SYT1: variants seen among roughly 807,000 people sequenced by gnomAD.
SYT1 encodes the protein synaptotagmin-1.
In SYT1, 8 loss-of-function variants were observed where a neutral mutation model predicts 44.8. That is an observed-to-expected ratio of 0.18 (90% CI 0.10 to 0.32). SYT1 has a LOEUF of 0.32. Ranked by LOEUF, SYT1 falls within the 10% of genes least tolerant of loss-of-function variation. The probability of loss-of-function intolerance (pLI) is 1.00; values close to 1 mark genes in which losing one functional copy is unlikely to be tolerated. For synonymous variants in SYT1, 154 were observed against 188.8 expected (o/e 0.82, Z 1.51); for missense variants, 286 against 509.3 (o/e 0.56, Z 4.22).
chr12:79,241,917 A>T (rs1876537792), intron 4 of SYT1, among the ~76,000 whole-genome samples: 1 of 152,234 alleles, frequency 6.6e-6, no homozygotes, highest in South Asian at 2.1e-4. Flanking sequence ...AGAGATACAC[A>T]GGGAGAACGC....
At chr12:79,447,629 T>C (rs1033083205) in intron 10 of SYT1, among the ~76,000 whole-genome samples, 2 of 152,176 alleles carry the variant, frequency 1.3e-5, no homozygotes, top group Non-Finnish European at 2.9e-5. Context: ...TCCTGATAAA[T>C]TTGCTTAGAA....
intron 8 of SYT1, among the ~76,000 whole-genome samples, chr12:79,330,125 T>C (rs1478552817): frequency 1.3e-5 from 2 of 152,098 alleles, no homozygotes; most frequent in Non-Finnish European, 2.9e-5. Context: ...AAGCTTGTGT[T>C]TGGACATGAT....
Position 79,055,854 on chromosome 12 carries a change from A to G in SYT1, c.-18+8492A>G, listed in dbSNP as rs536356988. ...ATTTATTTATTTATTATAAATTGACATCTTTTAAATTATAAAACATAGTCA... is the reference window on the plus strand; with the variant it reads ...ATTTATTTATTTATTATAAATTGACGTCTTTTAAATTATAAAACATAGTCA... On this transcript the variant is annotated intron_variant, in intron 3 of 10. Transcript: ENST00000261205. Among the ~76,000 whole-genome samples the G allele has an allele frequency of 1.9e-4, 29 of 152,126 alleles. No homozygotes were observed. The East Asian group carries it at 5.4e-3, about 28-fold the overall frequency.
At chr12:78,881,982 T>A (rs1459449533) in intron 1 of SYT1, among the ~76,000 whole-genome samples, 11 of 151,790 alleles carry the variant, frequency 7.2e-5, no homozygotes, top group African/African-American at 2.7e-4. Context: ...ACCCTGTATT[T>A]TTTTTATAAC....
At chr12:78,879,194 G>C (rs1231848823) in intron 1 of SYT1, among the ~76,000 whole-genome samples, 2 of 151,726 alleles carry the variant, frequency 1.3e-5, no homozygotes, top group Non-Finnish European at 2.9e-5. Context: ...AATGACAGCT[G>C]AAACAGCAAT....
intron 9 of SYT1, among the ~76,000 whole-genome samples, chr12:79,412,060 A>G (rs1375339395): frequency 1.3e-5 from 2 of 152,184 alleles, no homozygotes; most frequent in Admixed American, 6.5e-5. Flanking sequence ...AAAGCTTTAG[A>G]GCAGAAAGAA....
chr12:79,124,224 T>C (rs1320003396), intron 3 of SYT1, among the ~76,000 whole-genome samples: 4 of 152,212 alleles, frequency 2.6e-5, no homozygotes, highest in African/African-American at 9.7e-5. Flanking sequence ...CAAAATTATG[T>C]GGCCTGCCAT....
chr12:78,938,447 A>G (rs1878181119), intron 1 of SYT1, among the ~76,000 whole-genome samples: 1 of 152,182 alleles, frequency 6.6e-6, no homozygotes, highest in East Asian at 1.9e-4. Flanking sequence ...GAGCAGATTT[A>G]CTTCAGGAGT....
chr12:78,866,704 A>C (rs929763411), intron 1 of SYT1, among the ~76,000 whole-genome samples: 1 of 152,198 alleles, frequency 6.6e-6, no homozygotes, highest in Non-Finnish European at 1.5e-5. Flanking sequence ...TTACCTGAAC[A>C]CAGAGAAATC....
At chr12:79,412,204 G>C (rs1468924145) in intron 9 of SYT1, among the ~76,000 whole-genome samples, 1 of 152,124 alleles carries the variant, frequency 6.6e-6, no homozygotes, top group Non-Finnish European at 1.5e-5. Context: ...TTCTTCCCTT[G>C]GGGTGGGCTG....
intron 8 of SYT1, among the ~76,000 whole-genome samples, chr12:79,306,087 T>G (rs1331462679): frequency 1.3e-5 from 2 of 152,198 alleles, no homozygotes; most frequent in African/African-American, 4.8e-5. Context: ...ATATTGCCAC[T>G]AAGAGAGTGC....
intron 4 of SYT1, among the ~76,000 whole-genome samples, chr12:79,281,825 T>C (rs975300568): frequency 1.3e-5 from 2 of 152,190 alleles, no homozygotes; most frequent in African/African-American, 2.4e-5. Flanking sequence ...ATTCCAAGTT[T>C]ACTGTCATAA....
chr12:79,252,432 A>T (rs1259917896), intron 4 of SYT1, among the ~76,000 whole-genome samples: 6 of 152,074 alleles, frequency 3.9e-5, no homozygotes, highest in Non-Finnish European at 4.4e-5. Flanking sequence ...AGTATTTCTG[A>T]CTGCGCCTGC....
intron 9 of SYT1, among the ~76,000 whole-genome samples, chr12:79,438,963 G>C (rs891885791): frequency 2.0e-5 from 3 of 152,250 alleles, no homozygotes; most frequent in African/African-American, 7.2e-5. Flanking sequence ...TCTCAGAGTA[G>C]AAAGGAGTCA....
At chr12:78,941,481 G>C (rs1324099837) in intron 1 of SYT1, among the ~76,000 whole-genome samples, 1 of 151,874 alleles carries the variant, frequency 6.6e-6, no homozygotes, top group African/African-American at 2.4e-5. Flanking sequence ...TTCATTGTTA[G>C]AGAAAGTCTT....
rs111338857 is a variant in SYT1, at chr12:78,980,235, C to T, written c.-84+2304C>T. 1.3e-3 allele frequency among the ~76,000 whole-genome samples: 199 copies of T among 152,192 alleles called. 1 individual carries two copies. Among genetic ancestry groups the T allele is most frequent in the Middle Eastern group, 0.01 (3 of 294 alleles). On this transcript the variant is annotated intron_variant, in intron 2 of 10. Coordinates refer to ENST00000261205, the MANE Select transcript of SYT1 (RefSeq NM_005639.3). ...TGAAAAGACGGAATGTCGTGATTAC[C>T]TCAGGCACTGAAAGACAGCAAAAAT...
intron 9 of SYT1, among the ~76,000 whole-genome samples, chr12:79,441,022 G>A (rs17005599): frequency 0.025 from 3,843 of 152,260 alleles, 151 homozygotes; most frequent in African/African-American, 0.083. Flanking sequence ...AGAAAATGGA[G>A]ACTCAATCTA....
At chr12:79,239,722 G>A (rs151092064) in intron 4 of SYT1, among the ~76,000 whole-genome samples, 172 of 152,238 alleles carry the variant, frequency 1.1e-3, no homozygotes, top group African/African-American at 3.6e-3. Context: ...TCCTCTGCTC[G>A]GTGTCTCGCA....
intron 9 of SYT1, among the ~76,000 whole-genome samples, chr12:79,425,641 A>G (rs1869399420): frequency 6.6e-6 from 1 of 152,144 alleles, no homozygotes; most frequent in Non-Finnish European, 1.5e-5. Flanking sequence ...ATTTTCTTCA[A>G]CTAAATATAA....
Sources: gnomAD v4.1 joint callset for allele counts (sites outside exome capture counted in the v4.1 genomes callset) on GRCh38, gnomAD v4.1.1 for gene constraint, MANE v1.5 for transcripts, NCBI Gene and HGNC (gene_info 2026-07-23, HGNC 2026-07-21) for gene names.